IMMP2L: variants seen among roughly 807,000 people sequenced by gnomAD.
The protein encoded by IMMP2L is inner mitochondrial membrane peptidase subunit 2.
IMMP2L carries 18 observed loss-of-function variants against 19.3 expected under a neutral mutation model. The observed-to-expected ratio is 0.93, with a 90% CI of 0.64 to 1.38. The LOEUF is 1.38. Among genes scored for constraint, IMMP2L ranks in the 40% most tolerant of loss-of-function variants. The pLI is 0.00. For missense variants in IMMP2L, 233 were observed against 218.2 expected, an observed-to-expected ratio of 1.07 and a Z score of -0.43; for synonymous variants, 76 against 73.0, an observed-to-expected ratio of 1.04 and a Z score of -0.21.
chr7:111,545,676 T>G (rs1585626317), intron 1 of IMMP2L, among the ~76,000 whole-genome samples: 1 of 152,176 alleles, frequency 6.6e-6, no homozygotes, highest in African/African-American at 2.4e-5. Context: ...TAACCCCTTA[T>G]CAGATACATG....
intron 3 of IMMP2L, among the ~76,000 whole-genome samples, chr7:111,406,044 C>A (rs1195659853): frequency 1.3e-5 from 2 of 152,018 alleles, no homozygotes; most frequent in African/African-American, 2.4e-5. Context: ...GAAAATTACC[C>A]AAATTCTATC....
chr7:111,396,927 AC>A (rs1832929823), intron 3 of IMMP2L, among the ~76,000 whole-genome samples: 3 of 151,984 alleles, frequency 2.0e-5, no homozygotes, highest in African/African-American at 7.2e-5. Context: ...TACTAAAAAT[AC>A]AAAAACAAAA....
chr7:111,154,258 C>A (rs1329377671), intron 3 of IMMP2L, among the ~76,000 whole-genome samples: 2 of 152,094 alleles, frequency 1.3e-5, no homozygotes, highest in Non-Finnish European at 2.9e-5. Flanking sequence ...TAAAACCCAA[C>A]TGCTTTATCT....
At chr7:110,927,195 C>T (rs1814949079) in intron 4 of IMMP2L, among the ~76,000 whole-genome samples, 1 of 152,080 alleles carries the variant, frequency 6.6e-6, no homozygotes, top group Non-Finnish European at 1.5e-5. Context: ...CTTTGTCTCT[C>T]TCTCCCTCCT....
At chr7:111,332,451 A>G (rs978780483) in intron 3 of IMMP2L, among the ~76,000 whole-genome samples, 2 of 152,028 alleles carry the variant, frequency 1.3e-5, no homozygotes, top group Admixed American at 6.6e-5. Flanking sequence ...GACACGTTTT[A>G]ACGCTAAAGC....
rs184686411 is a variant in IMMP2L, at chr7:111,361,826, T to G, written c.239+125412A>C. ...GATAATAACCTTTCAGTAGGTATTA[T>G]CTCAATTCTTTTTCTCATCTACATT... On this transcript the variant is annotated intron_variant, in intron 3 of 5. Transcript: ENST00000405709. Among the ~76,000 whole-genome samples the G allele has an allele frequency of 4.3e-4, 65 of 152,256 alleles. 1 individual carries two copies. The highest frequency in any genetic ancestry group is 1.3e-3 in the African/African-American group (56 of 41,560).
Position 111,412,822 on chromosome 7 carries a change from A to G in IMMP2L, c.239+74416T>C, listed in dbSNP as rs922069990. Among the ~76,000 whole-genome samples the G allele has an allele frequency of 3.3e-5, 5 of 151,798 alleles. 1 individual carries two copies. The highest frequency in any genetic ancestry group is 1.2e-4 in the African/African-American group (5 of 41,206). ...CAAAATTTGAGAGCCACTGGTTTAG[A>G]AGAAATTTTTTTTTTAAATAAACTT... On this transcript the variant is annotated intron_variant, in intron 3 of 5. Transcript: ENST00000405709.
At chr7:110,821,699 T>C (rs1049584190) in intron 5 of IMMP2L, among the ~76,000 whole-genome samples, 2 of 151,868 alleles carry the variant, frequency 1.3e-5, no homozygotes, top group East Asian at 3.9e-4. Flanking sequence ...GATCATGAGG[T>C]CAGGAGATCG....
intron 3 of IMMP2L, among the ~76,000 whole-genome samples, chr7:111,232,979 C>T (rs1408776093): frequency 6.6e-6 from 1 of 152,158 alleles, no homozygotes; most frequent in East Asian, 1.9e-4. Flanking sequence ...CATCTTGCTT[C>T]GATCTCACTG....
At chr7:110,723,618 G>C (rs749489330) in intron 5 of IMMP2L, among the ~76,000 whole-genome samples, 1 of 152,136 alleles carries the variant, frequency 6.6e-6, no homozygotes, top group Non-Finnish European at 1.5e-5. Flanking sequence ...CAGGCCATAT[G>C]TGTGGTAAGA....
intron 5 of IMMP2L, among the ~76,000 whole-genome samples, chr7:110,694,970 T>G (rs541073473): frequency 1.3e-5 from 2 of 152,022 alleles, no homozygotes; most frequent in African/African-American, 2.4e-5. Context: ...CAAAAGGTCA[T>G]ATATTGTATG....
chr7:111,196,314 A>G (rs1352018172), intron 3 of IMMP2L, among the ~76,000 whole-genome samples: 1 of 152,240 alleles, frequency 6.6e-6, no homozygotes, highest in African/African-American at 2.4e-5. Context: ...CATGCTGGCC[A>G]TGCCAGCTAA....
intron 5 of IMMP2L, among the ~76,000 whole-genome samples, chr7:110,880,114 A>C (rs1188543426): frequency 6.6e-6 from 1 of 152,090 alleles, no homozygotes; most frequent in African/African-American, 2.4e-5. Flanking sequence ...ATAGTAAAAA[A>C]CTGCATTTTT....
chr7:110,866,757 T>C (rs1364359804), intron 5 of IMMP2L, among the ~76,000 whole-genome samples: 5 of 152,112 alleles, frequency 3.3e-5, no homozygotes, highest in Non-Finnish European at 7.4e-5. Flanking sequence ...ATCCCAAATC[T>C]TGGGTGTTTG....
At chr7:111,020,014 C>G (rs1289204775) in intron 3 of IMMP2L, among the ~76,000 whole-genome samples, 1 of 151,602 alleles carries the variant, frequency 6.6e-6, no homozygotes, top group African/African-American at 2.4e-5. Flanking sequence ...AGTATATTCA[C>G]TTACTCAACA....
chr7:111,463,209 C>T (rs1563222510), intron 3 of IMMP2L, among the ~76,000 whole-genome samples: 1 of 151,780 alleles, frequency 6.6e-6, no homozygotes, highest in African/African-American at 2.4e-5. Context: ...CCCAATTTCC[C>T]CTGTTTATAA....
chr7:111,504,976 T>A (rs1016094955), intron 2 of IMMP2L, among the ~76,000 whole-genome samples: 12 of 151,986 alleles, frequency 7.9e-5, no homozygotes, highest in Non-Finnish European at 1.5e-4. Flanking sequence ...ACAAATGGGA[T>A]CTAATTAAAC....
At chr7:110,736,957 T>TTATG (rs1796673537) in intron 5 of IMMP2L, among the ~76,000 whole-genome samples, 1 of 152,144 alleles carries the variant, frequency 6.6e-6, no homozygotes, top group South Asian at 2.1e-4. Context: ...TGTGAGAAGG[T>TTATG]CATGAATTTT....
At chr7:111,222,779 T>G (rs1812658510) in intron 3 of IMMP2L, among the ~76,000 whole-genome samples, 1 of 152,016 alleles carries the variant, frequency 6.6e-6, no homozygotes, top group African/African-American at 2.4e-5. Flanking sequence ...CAATATTTAG[T>G]AAATTAAAGA....
Sources: allele counts gnomAD v4.1 joint callset (sites outside exome capture counted in the v4.1 genomes callset), GRCh38; gene constraint gnomAD v4.1.1; transcripts MANE v1.5; gene names NCBI Gene and HGNC (gene_info 2026-07-23, HGNC 2026-07-21).